Variants in CTNNAL1 observed in about 807,000 individuals in gnomAD.
CTNNAL1 encodes alpha-catulin.
A neutral mutation model predicts 93.6 loss-of-function variants in CTNNAL1; 69 were observed. That is an observed-to-expected ratio of 0.74 (90% CI 0.61 to 0.90). The LOEUF (loss-of-function observed/expected upper bound fraction) is 0.90. Ranked by LOEUF, CTNNAL1 falls within the 40% of genes least tolerant of loss-of-function variation. The probability of loss-of-function intolerance (pLI) is 0.00; values close to 1 mark genes in which losing one functional copy is unlikely to be tolerated. For missense variants in CTNNAL1, 836 were observed against 862.0 expected, an observed-to-expected ratio of 0.97 and a Z score of 0.38; for synonymous variants, 286 against 305.4, an observed-to-expected ratio of 0.94 and a Z score of 0.66.
At chr9:108,996,808 G>GT (rs1832038783) in intron 2 of CTNNAL1, among the ~76,000 whole-genome samples, 1 of 151,550 alleles carries the variant, frequency 6.6e-6, no homozygotes, top group Admixed American at 6.6e-5. Flanking sequence ...TGTCCATTAT[G>GT]TAATGTCTGT....
chr9:108,999,066 C>A lies in CTNNAL1; in HGVS notation c.331+1G>T, dbSNP rs762028410. On this transcript the variant is annotated splice_donor_variant, in intron 2 of 18. Transcript: ENST00000325551. LOFTEE classifies it high-confidence loss of function. The stretch of plus-strand genomic sequence containing the variant: ...AGTCTTCAAAATCAATATCCACCTA[C>A]CTGCTTGTTTAGCTTCAATACAAGC... 2 of 1,601,610 alleles carry A rather than the reference C, an allele frequency of 1.2e-6. No individual in the cohort carries two copies. Among genetic ancestry groups the A allele is most frequent in the Admixed American group, 1.7e-5 (1 of 57,748 alleles).
intron 15 of CTNNAL1, among the ~76,000 whole-genome samples, chr9:108,946,028 T>C (rs769529857): frequency 4.7e-4 from 72 of 152,150 alleles, no homozygotes; most frequent in Non-Finnish European, 8.5e-4. Flanking sequence ...CAGCTGGGCA[T>C]AGTGGCTCAG....
At chr9:108,993,257 G>A (rs531852981) in intron 2 of CTNNAL1, among the ~76,000 whole-genome samples, 5 of 152,308 alleles carry the variant, frequency 3.3e-5, no homozygotes, top group Admixed American at 2.0e-4. Context: ...CAAGCTGAAC[G>A]GCCTTGGGTT....
intron 14 of CTNNAL1, among the ~76,000 whole-genome samples, chr9:108,948,622 C>T (rs1830472217): frequency 6.6e-6 from 1 of 152,158 alleles, no homozygotes; most frequent in African/African-American, 2.4e-5. Flanking sequence ...CATTTCACTT[C>T]TAATTCTTAT....
At chr9:109,002,816 T>C (rs1826884791) in intron 1 of CTNNAL1, among the ~76,000 whole-genome samples, 4 of 144,364 alleles carry the variant, frequency 2.8e-5, no homozygotes, top group African/African-American at 1.0e-4. Flanking sequence ...AAACCCCATC[T>C]CCACTAAAAA....
At chr9:108,955,714 G>A (rs894362948) in intron 12 of CTNNAL1, 76 bp downstream of exon 12, 4 of 1,241,492 alleles carry the variant, frequency 3.2e-6, no homozygotes, top group Non-Finnish European at 4.7e-6. Flanking sequence ...GTAGAGGGGA[G>A]CAGCAACAGG....
chr9:108,979,750 G>C (rs995780356), intron 6 of CTNNAL1, among the ~76,000 whole-genome samples: 1 of 152,216 alleles, frequency 6.6e-6, no homozygotes, highest in Non-Finnish European at 1.5e-5. Flanking sequence ...AAGGCAGAAA[G>C]AGCATCATCC....
intron 14 of CTNNAL1, 111 bp downstream of exon 14, chr9:108,952,098 A>C: frequency 1.2e-6 from 1 of 866,248 alleles, no homozygotes; most frequent in East Asian, 2.7e-5. Flanking sequence ...TAGTCTTTTT[A>C]CCATATATTT....
intron 14 of CTNNAL1, among the ~76,000 whole-genome samples, chr9:108,949,786 G>C (rs1307697666): frequency 6.6e-6 from 1 of 152,208 alleles, no homozygotes; most frequent in Non-Finnish European, 1.5e-5. Flanking sequence ...GGAAATTGCA[G>C]TGAGCCGAGA....
chr9:109,012,623 G>A (rs1827239390), intron 1 of CTNNAL1, among the ~76,000 whole-genome samples: 1 of 152,194 alleles, frequency 6.6e-6, no homozygotes, highest in African/African-American at 2.4e-5. Flanking sequence ...AACGGGACTT[G>A]GCAAAACGGT....
chr9:108,980,932 T>C (rs891972594), intron 6 of CTNNAL1, among the ~76,000 whole-genome samples: 3 of 152,208 alleles, frequency 2.0e-5, no homozygotes, highest in Admixed American at 6.5e-5. Flanking sequence ...TGTCCATATA[T>C]TCATGGTACC....
intron 1 of CTNNAL1, among the ~76,000 whole-genome samples, chr9:109,012,526 T>C (rs1450442779): frequency 6.6e-6 from 1 of 152,194 alleles, no homozygotes; most frequent in African/African-American, 2.4e-5. Context: ...TGAAGCTGCA[T>C]ATAACCCAGC....
intron 4 of CTNNAL1, 109 bp from the exon 5 acceptor site, chr9:108,984,545 A>AT: frequency 1.3e-5 from 6 of 478,308 alleles, no homozygotes; most frequent in African/African-American, 2.1e-5. Context: ...AACATTGTTA[A>AT]GTGAAAAAAA....
At chr9:108,970,892 C>A (rs573963342) in intron 9 of CTNNAL1, among the ~76,000 whole-genome samples, 1 of 152,098 alleles carries the variant, frequency 6.6e-6, no homozygotes, top group African/African-American at 2.4e-5. Flanking sequence ...AGAGTTACTA[C>A]AAGCTACATG....
Position 108,942,987 on chromosome 9 carries a change from A to G in CTNNAL1, c.2113T>C (p.Ser705Pro). 1 of 1,613,070 alleles carries G rather than the reference A, an allele frequency of 6.2e-7. No individual in the cohort carries two copies. The highest frequency in any genetic ancestry group is 8.5e-7 in the Non-Finnish European group (1 of 1,179,774). ...SMMALLVQLLSLCYKLLKKLQ... is the reference protein window; with the variant it reads ...SMMALLVQLLPLCYKLLKKLQ... Reference sequence around the variant, plus strand: ...TTCTTCAGCAGTTTATAACAAAGTGAAAGAAGTTGGACTAAGAGAGCCATC... The same window carrying G: ...TTCTTCAGCAGTTTATAACAAAGTGGAAGAAGTTGGACTAAGAGAGCCATC... Residue 705 changes from serine to proline, a missense_variant, in exon 18 of 19, where the codon TCA becomes CCA. Ser to Pro is a moderately conservative substitution (Grantham distance 74). Coordinates refer to ENST00000325551, the MANE Select transcript of CTNNAL1 (RefSeq NM_003798.4).
chr9:109,007,861 G>C (rs1827080669), intron 1 of CTNNAL1, among the ~76,000 whole-genome samples: 1 of 152,058 alleles, frequency 6.6e-6, no homozygotes. Context: ...TCCCAATTTT[G>C]TGTTCACCAC....
At chr9:108,949,000 C>T (rs916089728) in intron 14 of CTNNAL1, among the ~76,000 whole-genome samples, 10 of 151,660 alleles carry the variant, frequency 6.6e-5, no homozygotes, top group South Asian at 4.2e-4. Context: ...CAATAAGGTA[C>T]TAGTATGTTT....
intron 8 of CTNNAL1, 127 bp from the exon 9 acceptor site, chr9:108,972,960 G>C (rs778689898): frequency 8.5e-5 from 100 of 1,172,550 alleles, no homozygotes; most frequent in Non-Finnish European, 5.8e-5. Context: ...TATTAATAAA[G>C]AGAAGCCGCA....
At chr9:108,972,864 G>GGGGGC in intron 8 of CTNNAL1, 31 bp from the exon 9 acceptor site, 5 of 142,562 alleles carry the variant, frequency 3.5e-5, no homozygotes, top group African/African-American at 9.6e-5. Context: ...GGGGGGGTGG[G>GGGGGC]AGGGTGGAGA....
Sources: allele counts gnomAD v4.1 joint callset (sites outside exome capture counted in the v4.1 genomes callset), GRCh38; gene constraint gnomAD v4.1.1; transcripts MANE v1.5; gene names NCBI Gene and HGNC (gene_info 2026-07-23, HGNC 2026-07-21).